The following SLC24A2 variants were observed in gnomAD, a reference collection of about 807,000 sequenced individuals.
The protein encoded by SLC24A2 is solute carrier family 24 member 2, also known as sodium/potassium/calcium exchanger 2.
A neutral mutation model predicts 62.0 loss-of-function variants in SLC24A2; 36 were observed. The observed-to-expected ratio is 0.58, with a 90% CI of 0.44 to 0.77. The LOEUF is 0.77. Ranked by LOEUF, SLC24A2 falls within the 30% of genes least tolerant of loss-of-function variation. SLC24A2 has a pLI of 0.00. For missense variants in SLC24A2, 846 were observed against 817.9 expected, an observed-to-expected ratio of 1.03 and a Z score of -0.42; for synonymous variants, 358 against 294.0, an observed-to-expected ratio of 1.22 and a Z score of -2.23.
the SLC24A2 span, among the ~76,000 whole-genome samples, chr9:20,002,675 G>A: frequency 6.6e-6 from 1 of 152,298 alleles, no homozygotes; most frequent in African/African-American, 2.4e-5. Context: ...GGAAACTCCA[G>A]ACTGGTGCAC....
intron 2 of SLC24A2, among the ~76,000 whole-genome samples, chr9:19,712,819 G>T (rs571440237): frequency 6.6e-6 from 1 of 152,252 alleles, no homozygotes; most frequent in East Asian, 1.9e-4. Context: ...ACAGGGACCT[G>T]CCCTCTGCAG....
the SLC24A2 span, among the ~76,000 whole-genome samples, chr9:20,076,458 T>G: frequency 3.6e-3 from 541 of 152,096 alleles, 2 homozygotes; most frequent in African/African-American, 0.013. Flanking sequence ...GAGGCAGGGA[T>G]GGAAGGAGGC....
Position 19,511,030 on chromosome 9 carries a change from G to A in SLC24A2, c.*5123C>T, listed in dbSNP as rs1260444700. On this transcript the variant is annotated 3_prime_UTR_variant, in exon 11 of 11. Transcript: ENST00000341998. ...CAAAATGCCAGTGTGTACATTAGCT[G>A]GGGGGAGTCATTGTGGAAAACAGAT... is the stretch of plus-strand genomic sequence containing the variant. 6.6e-6 allele frequency: 1 copy of A among 152,188 alleles called. No individual in the cohort carries two copies. The highest frequency in any genetic ancestry group is 1.5e-5 in the Non-Finnish European group (1 of 68,072). The allele number at this position is 152,188 out of a possible 1,614,324, so 9.4% of individuals were successfully genotyped here.
chr9:19,904,278 G>C, the SLC24A2 span, among the ~76,000 whole-genome samples: 1 of 152,198 alleles, frequency 6.6e-6, no homozygotes, highest in African/African-American at 2.4e-5. Context: ...TGATCTAGAA[G>C]AGATTGTATG....
the SLC24A2 span, among the ~76,000 whole-genome samples, chr9:19,981,041 C>T: frequency 1.3e-5 from 2 of 152,142 alleles, no homozygotes; most frequent in African/African-American, 4.8e-5. Context: ...ATGAATGCAC[C>T]TTGGAGCAAT....
At chr9:20,059,592 G>C in the SLC24A2 span, among the ~76,000 whole-genome samples, 1 of 152,120 alleles carries the variant, frequency 6.6e-6, no homozygotes, top group Non-Finnish European at 1.5e-5. Context: ...AAAATACTTT[G>C]AGATGAATGA....
chr9:19,608,285 C>G (rs1475547562), intron 4 of SLC24A2, among the ~76,000 whole-genome samples: 2 of 149,982 alleles, frequency 1.3e-5, no homozygotes, highest in African/African-American at 4.9e-5. Context: ...CTCTTGGGAC[C>G]AAACAAAAAT....
At chr9:20,073,887 TATAC>T in the SLC24A2 span, among the ~76,000 whole-genome samples, 53,141 of 144,806 alleles carry the variant, frequency 0.37, 9,972 homozygotes, top group Middle Eastern at 0.48. Context: ...TATATATATA[TATAC>T]ACACATATAT....
chr9:19,714,555 C>T (rs1392098938), intron 2 of SLC24A2, among the ~76,000 whole-genome samples: 1 of 152,222 alleles, frequency 6.6e-6, no homozygotes, highest in Non-Finnish European at 1.5e-5. Context: ...ATTTTGGCAA[C>T]CCACATCACT....
chr9:20,164,580 T>A, the SLC24A2 span, among the ~76,000 whole-genome samples: 3 of 150,988 alleles, frequency 2.0e-5, no homozygotes, highest in Middle Eastern at 6.8e-3. Flanking sequence ...GTGTGGCGAT[T>A]CCTCAGGGAT....
At chr9:19,875,354 G>A in the SLC24A2 span, among the ~76,000 whole-genome samples, 28 of 152,152 alleles carry the variant, frequency 1.8e-4, no homozygotes, top group Non-Finnish European at 4.0e-4. Context: ...TGACTCTGAC[G>A]AAATTGAGGA....
the SLC24A2 span, among the ~76,000 whole-genome samples, chr9:20,243,332 G>T: frequency 6.6e-6 from 1 of 152,080 alleles, no homozygotes; most frequent in Non-Finnish European, 1.5e-5. Flanking sequence ...TAAGCAGAAT[G>T]CTGACATACC....
intron 2 of SLC24A2, among the ~76,000 whole-genome samples, chr9:19,719,123 T>G (rs1375085914): frequency 6.6e-6 from 1 of 152,176 alleles, no homozygotes; most frequent in Admixed American, 6.5e-5. Context: ...TATAAACTGC[T>G]AAGACTTTAT....
the SLC24A2 span, among the ~76,000 whole-genome samples, chr9:20,074,068 C>A: frequency 1.4e-4 from 21 of 151,986 alleles, no homozygotes; most frequent in African/African-American, 5.1e-4. Context: ...ACAGTAGAAG[C>A]CTGGCATCAA....
At chr9:19,630,371 T>C (rs966021281) in intron 2 of SLC24A2, among the ~76,000 whole-genome samples, 12 of 152,316 alleles carry the variant, frequency 7.9e-5, no homozygotes, top group Admixed American at 7.8e-4. Context: ...AGACATAATT[T>C]AATTTTTGAT....
chr9:20,200,534 C>T, the SLC24A2 span, among the ~76,000 whole-genome samples: 4 of 152,216 alleles, frequency 2.6e-5, no homozygotes, highest in South Asian at 6.2e-4. Flanking sequence ...AAAGGGAAAT[C>T]GAACAGAGGG....
the SLC24A2 span, among the ~76,000 whole-genome samples, chr9:19,922,619 T>C: frequency 6.6e-6 from 1 of 152,158 alleles, no homozygotes; most frequent in African/African-American, 2.4e-5. Context: ...TCTGCCTGCT[T>C]CACAGGAGGG....
the SLC24A2 span, among the ~76,000 whole-genome samples, chr9:20,086,961 A>T: frequency 6.6e-6 from 1 of 152,178 alleles, no homozygotes; most frequent in African/African-American, 2.4e-5. Context: ...CTTCCCTAGA[A>T]TGATGTTGCA....
At chr9:19,803,010 C>T in the SLC24A2 span, among the ~76,000 whole-genome samples, 1 of 152,110 alleles carries the variant, frequency 6.6e-6, no homozygotes, top group Non-Finnish European at 1.5e-5. Context: ...CCACATGAAG[C>T]AGAGAGTGAG....
Sources: gnomAD v4.1 joint callset for allele counts (sites outside exome capture counted in the v4.1 genomes callset) on GRCh38, gnomAD v4.1.1 for gene constraint, MANE v1.5 for transcripts, NCBI Gene and HGNC (gene_info 2026-07-23, HGNC 2026-07-21) for gene names.